DACH2: variants seen among roughly 807,000 people sequenced by gnomAD.
The protein encoded by DACH2 is dachshund family transcription factor 2, also known as dachshund homolog 2.
DACH2 carries 17 observed loss-of-function variants against 35.8 expected under a neutral mutation model. The ratio of observed to expected loss-of-function variants is 0.48; its 90% confidence interval spans 0.33 to 0.71. The LOEUF is 0.71. Ranked by LOEUF, DACH2 falls within the 30% of genes least tolerant of loss-of-function variation. The pLI is 0.02. For synonymous variants in DACH2, 195 were observed against 177.3 expected, an observed-to-expected ratio of 1.10 and a Z score of -0.79; for missense variants, 469 against 472.7, an observed-to-expected ratio of 0.99 and a Z score of 0.07.
intron 2 of DACH2, among the ~76,000 whole-genome samples, chrX:86,425,119 G>T (rs1330306776): frequency 9.0e-6 from 1 of 110,789 alleles, no homozygotes; most frequent in Non-Finnish European, 1.9e-5. Context: ...CACCAGAGAT[G>T]TTGGCCTATA....
chrX:86,262,807 T>C (rs1243249330), intron 1 of DACH2, among the ~76,000 whole-genome samples: 1 of 112,305 alleles, frequency 8.9e-6, no homozygotes, highest in Non-Finnish European at 1.9e-5. Flanking sequence ...AAAATGGACT[T>C]TGCAACATGT....
intron 2 of DACH2, among the ~76,000 whole-genome samples, chrX:86,388,425 C>T (rs189264346): frequency 7.8e-4 from 87 of 111,353 alleles, no homozygotes; most frequent in African/African-American, 2.5e-3. Context: ...TAATAGGGCC[C>T]TCATGTCTCC....
At chrX:86,376,339 A>G (rs919481541) in intron 1 of DACH2, among the ~76,000 whole-genome samples, 1 of 110,187 alleles carries the variant, frequency 9.1e-6, no homozygotes, top group African/African-American at 3.3e-5. Flanking sequence ...TTGGCCAAAT[A>G]AAAGATGAGA....
intron 4 of DACH2, among the ~76,000 whole-genome samples, chrX:86,673,960 G>A (rs941418999): frequency 1.8e-5 from 2 of 111,875 alleles, no homozygotes; most frequent in Non-Finnish European, 3.8e-5. Flanking sequence ...CCCCAGCTAG[G>A]GAAGCCTGTA....
At chrX:86,412,640 G>T (rs377076944) in intron 2 of DACH2, among the ~76,000 whole-genome samples, 2 of 111,867 alleles carry the variant, frequency 1.8e-5, no homozygotes, top group East Asian at 5.7e-4. Context: ...TGGTGGATAA[G>T]GCATTCCATG....
At chrX:86,572,101 G>A (rs1341580501) in intron 3 of DACH2, among the ~76,000 whole-genome samples, 5 of 110,940 alleles carry the variant, frequency 4.5e-5, no homozygotes, top group Middle Eastern at 4.6e-3. Context: ...TGCGGGGTGC[G>A]GGGAAGGGGG....
chrX:86,685,846 G>A (rs977116781), intron 4 of DACH2, among the ~76,000 whole-genome samples: 4 of 111,067 alleles, frequency 3.6e-5, no homozygotes, highest in South Asian at 7.6e-4. Flanking sequence ...TAAGGGTTCC[G>A]TCCCCATGAT....
At chrX:86,396,854 A>G (rs1331569254) in intron 2 of DACH2, among the ~76,000 whole-genome samples, 272 of 110,708 alleles carry the variant, frequency 2.5e-3, no homozygotes, top group East Asian at 5.4e-3. Flanking sequence ...TTGGCTTAGG[A>G]TTGACTTGGC....
Position 86,312,496 on chromosome X carries a change from G to T in DACH2, c.489-64328G>T, listed in dbSNP as rs183096975. Among the ~76,000 whole-genome samples the T allele has an allele frequency of 3.6e-5, 4 of 111,660 alleles. No individual in the cohort carries two copies. In the East Asian group the frequency reaches 1.1e-3, roughly 32 times the overall value. On this transcript the variant is annotated intron_variant, in intron 1 of 11. Transcript: ENST00000373125. ...TGAGTGTCAACTTGATTGGATTGAG[G>T]AATATACAGTATTAATTCTGGGTGT...
At chrX:86,232,136 G>C in intron 1 of DACH2, among the ~76,000 whole-genome samples, 1 of 111,628 alleles carries the variant, frequency 9.0e-6, no homozygotes, top group Non-Finnish European at 1.9e-5. Context: ...ATGACCAGTA[G>C]AGAGCAGGCC....
Position 86,432,756 on chromosome X carries a change from T to A in DACH2, c.527+55894T>A, listed in dbSNP as rs370886458. Among the ~76,000 whole-genome samples the A allele has an allele frequency of 2.4e-4, 27 of 112,049 alleles. No individual in the cohort carries two copies. In the East Asian group the frequency reaches 2.8e-3, roughly 12 times the overall value. On this transcript the variant is annotated intron_variant, in intron 2 of 11. Coordinates refer to ENST00000373125, the MANE Select transcript of DACH2 (RefSeq NM_053281.3). Reference sequence around the variant, plus strand: ...GAACTTCATCTATGAAATTCCATGTTTGTGGAGTTTTAGGTTTAGATTTAC... The same window carrying A: ...GAACTTCATCTATGAAATTCCATGTATGTGGAGTTTTAGGTTTAGATTTAC...
chrX:86,773,445 C>T lies in DACH2; in HGVS notation c.1240+33563C>T, dbSNP rs769575808. Among the ~76,000 whole-genome samples the T allele has an allele frequency of 7.2e-5, 8 of 111,711 alleles. No individual in the cohort carries two copies. In the East Asian group the frequency reaches 2.2e-3, roughly 31 times the overall value. ...GTTGAAGACTATTTTATATATAATG[C>T]ATATACTTCAAGCTTGGTTTAACAC... On this transcript the variant is annotated intron_variant, in intron 7 of 11. Transcript: ENST00000373125.
At chrX:86,565,382 G>A (rs1239556251) in intron 3 of DACH2, among the ~76,000 whole-genome samples, 1 of 111,119 alleles carries the variant, frequency 9.0e-6, no homozygotes, top group African/African-American at 3.3e-5. Flanking sequence ...TGTGGTCCCC[G>A]GACCATCAGC....
rs929480144 is a variant in DACH2, at chrX:86,725,812, G to A, written c.1104+11092G>A. Among the ~76,000 whole-genome samples, 5 of 111,344 alleles carry A rather than the reference G, an allele frequency of 4.5e-5. No homozygotes were observed. The East Asian group carries it at 1.4e-3, about 32-fold the overall frequency. ...CTGGTGCCTGCAATTGGTTGTGGAG[G>A]CTAGTTCCCCTGGCCTGCTGGTAGC... On this transcript the variant is annotated intron_variant, in intron 6 of 11. Coordinates refer to ENST00000373125, the MANE Select transcript of DACH2 (RefSeq NM_053281.3).
intron 3 of DACH2, among the ~76,000 whole-genome samples, chrX:86,556,962 C>A (rs1479259712): frequency 6.6e-5 from 7 of 106,504 alleles, no homozygotes; most frequent in Non-Finnish European, 1.4e-4. Flanking sequence ...GCCTGAGAAC[C>A]AGGGAGCCTA....
chrX:86,664,414 G>A lies in DACH2; in HGVS notation c.772+13247G>A, dbSNP rs371650915. ...GAGGGAGGGAGTTGGAGGAATCAAA[G>A]GAATGAGGAAAAGCATCATGCTGTA... On this transcript the variant is annotated intron_variant, in intron 4 of 11. Coordinates refer to ENST00000373125, the MANE Select transcript of DACH2 (RefSeq NM_053281.3). Among the ~76,000 whole-genome samples the A allele has an allele frequency of 2.2e-4, 25 of 111,292 alleles. No homozygotes were observed. The East Asian group carries it at 7.1e-3, about 31-fold the overall frequency.
chrX:86,444,155 A>G (rs1316056309), intron 2 of DACH2, among the ~76,000 whole-genome samples: 1 of 111,962 alleles, frequency 8.9e-6, no homozygotes, highest in African/African-American at 3.2e-5. Context: ...CAGTAGTGCT[A>G]TCATGGTTCA....
At chrX:86,185,658 A>G (rs7061404) in intron 1 of DACH2, among the ~76,000 whole-genome samples, 2,140 of 111,283 alleles carry the variant, frequency 0.019, 63 homozygotes, top group African/African-American at 0.066. Flanking sequence ...TTTCTAGTAA[A>G]CTATCTAGAG....
At chrX:86,394,008 A>G (rs1301953664) in intron 2 of DACH2, among the ~76,000 whole-genome samples, 1 of 106,930 alleles carries the variant, frequency 9.4e-6, no homozygotes, top group Non-Finnish European at 1.9e-5. Flanking sequence ...TTGTCTCTGC[A>G]TTTTGAAATT....
Sources: gnomAD v4.1 joint callset for allele counts (sites outside exome capture counted in the v4.1 genomes callset) on GRCh38, gnomAD v4.1.1 for gene constraint, MANE v1.5 for transcripts, NCBI Gene and HGNC (gene_info 2026-07-23, HGNC 2026-07-21) for gene names.